XKRX: variants seen among roughly 807,000 people sequenced by gnomAD.
XKRX encodes the protein XK-related protein 2.
XKRX carries 11 observed loss-of-function variants against 22.4 expected under a neutral mutation model. The observed-to-expected ratio is 0.49, with a 90% CI of 0.31 to 0.81. The LOEUF is 0.81. Among genes scored for constraint, XKRX ranks in the 40% least tolerant of loss-of-function variants. The probability of loss-of-function intolerance (pLI) is 0.05; values close to 1 mark genes in which losing one functional copy is unlikely to be tolerated. For synonymous variants in XKRX, 114 were observed against 132.2 expected, an observed-to-expected ratio of 0.86 and a Z score of 0.94; for missense variants, 320 against 336.5, an observed-to-expected ratio of 0.95 and a Z score of 0.38.
At chrX:100,903,029 G>T in the XKRX span, among the ~76,000 whole-genome samples, 1 of 108,381 alleles carries the variant, frequency 9.2e-6, no homozygotes, top group Non-Finnish European at 1.9e-5. Context: ...GATTACAGTC[G>T]TGAGCCACCG....
the XKRX span, among the ~76,000 whole-genome samples, chrX:100,889,599 G>A: frequency 2.7e-5 from 3 of 110,624 alleles, no homozygotes; most frequent in Non-Finnish European, 5.7e-5. Flanking sequence ...TAAAGATGAA[G>A]GTAGAGATCA....
At chrX:100,938,486 G>A in the XKRX span, among the ~76,000 whole-genome samples, 1 of 110,826 alleles carries the variant, frequency 9.0e-6, no homozygotes, top group Non-Finnish European at 1.9e-5. Flanking sequence ...AAAATTAGCC[G>A]GGCGTGGTGG....
At chrX:100,909,821 T>G (rs2085400474), downstream of XKRX, among the ~76,000 whole-genome samples, 1 of 101,591 alleles carries the variant, frequency 9.8e-6, no homozygotes, top group Non-Finnish European at 2.0e-5. Flanking sequence ...GAGAATCACT[T>G]GAACCCACAA....
the XKRX span, among the ~76,000 whole-genome samples, chrX:100,897,690 C>CAA: frequency 1.2e-3 from 16 of 12,968 alleles, no homozygotes; most frequent in African/African-American, 2.6e-3. Context: ...AACTCAACAG[C>CAA]AAAAAAAAAA....
chrX:100,931,552 C>T (rs73631329), upstream of XKRX, among the ~76,000 whole-genome samples: 3,384 of 111,499 alleles, frequency 0.03, 119 homozygotes, highest in African/African-American at 0.1. Context: ...AGCCTTCTGT[C>T]ACCTCCCCAA....
chrX:100,921,824 CTTTTTTTTTT>C (rs769704465), intron 2 of XKRX, among the ~76,000 whole-genome samples: 4 of 56,360 alleles, frequency 7.1e-5, no homozygotes, highest in African/African-American at 3.7e-4. Context: ...TAACCCCACG[CTTTTTTTTTT>C]TTTTTTTTTT....
upstream of XKRX, chrX:100,928,937 G>T (rs1312280583): frequency 3.2e-6 from 2 of 616,333 alleles, no homozygotes; most frequent in Non-Finnish European, 3.9e-6. Flanking sequence ...GGGTTCTCAG[G>T]ATAGCTCCTC....
the XKRX span, among the ~76,000 whole-genome samples, chrX:100,898,776 A>T: frequency 2.7e-5 from 3 of 110,771 alleles, no homozygotes; most frequent in East Asian, 8.5e-4. Context: ...CTACCCCCCA[A>T]AAAAGAGCCA....
the XKRX span, among the ~76,000 whole-genome samples, chrX:100,902,067 C>A: frequency 1.9e-5 from 2 of 107,780 alleles, no homozygotes; most frequent in Non-Finnish European, 1.9e-5. Context: ...GAATAGAAAT[C>A]ATACAAAATG....
the XKRX span, among the ~76,000 whole-genome samples, chrX:100,947,561 G>T: frequency 8.9e-6 from 1 of 112,099 alleles, no homozygotes; most frequent in Non-Finnish European, 1.9e-5. Context: ...GGAAAAAATA[G>T]CAGGGAACCA....
At chrX:100,906,454 A>G in the XKRX span, among the ~76,000 whole-genome samples, 1 of 111,755 alleles carries the variant, frequency 8.9e-6, no homozygotes, top group African/African-American at 3.3e-5. Flanking sequence ...GTGGACAGAA[A>G]ACAATGTCAC....
the XKRX span, among the ~76,000 whole-genome samples, chrX:100,938,266 A>G: frequency 9.0e-6 from 1 of 111,242 alleles, no homozygotes; most frequent in Non-Finnish European, 1.9e-5. Flanking sequence ...AAATCAGGCC[A>G]TGCCAAATCT....
At chrX:100,895,028 C>G in the XKRX span, among the ~76,000 whole-genome samples, 47 of 111,689 alleles carry the variant, frequency 4.2e-4, no homozygotes, top group Non-Finnish European at 5.8e-4. Flanking sequence ...CTAACCACCC[C>G]CAGAGTGTGG....
chrX:100,954,578 G>C, the XKRX span, among the ~76,000 whole-genome samples: 11,669 of 111,285 alleles, frequency 0.1, 616 homozygotes, highest in Admixed American at 0.16. Context: ...ATAACAAAGA[G>C]AAATGAAAAT....
At chrX:100,921,897 G>C (rs916415287) in intron 2 of XKRX, among the ~76,000 whole-genome samples, 1 of 93,217 alleles carries the variant, frequency 1.1e-5, no homozygotes, top group South Asian at 5.9e-4. Flanking sequence ...GCAGTGACGC[G>C]ATCTCGGCTC....
At chrX:100,916,158 G>T (rs2147938167) in intron 2 of XKRX, among the ~76,000 whole-genome samples, 1 of 110,072 alleles carries the variant, frequency 9.1e-6, no homozygotes, top group South Asian at 4.0e-4. Context: ...TAATTAGTTT[G>T]GTTGTGGTAA....
rs1387157771 is a variant in XKRX at position 100,914,330 on chromosome X, A to T, written c.*8T>A. 1 of 1,201,403 alleles carries T rather than the reference A, an allele frequency of 8.3e-7. No homozygotes were observed. The highest frequency in any genetic ancestry group is 1.1e-6 in the Non-Finnish European group (1 of 890,122). ...CCCAACTCTTCCTAAAATACCCAGA[A>T]AATAGAATCAGACAACACTTTGCCT... On this transcript the variant is annotated 3_prime_UTR_variant, in exon 3 of 3. Coordinates refer to ENST00000372956, the MANE Select transcript of XKRX (RefSeq NM_212559.3).
the XKRX span, among the ~76,000 whole-genome samples, chrX:100,905,288 G>A: frequency 9.0e-6 from 1 of 111,420 alleles, no homozygotes; most frequent in African/African-American, 3.3e-5. Context: ...GATGGCCCTT[G>A]GTATCTCATA....
chrX:100,922,084 T>C (rs935087394), intron 2 of XKRX, among the ~76,000 whole-genome samples: 1 of 110,207 alleles, frequency 9.1e-6, no homozygotes. Context: ...CCACCCGCCT[T>C]GGCCTCCCAA....
Sources: gnomAD v4.1 joint callset for allele counts (sites outside exome capture counted in the v4.1 genomes callset) on GRCh38, gnomAD v4.1.1 for gene constraint, MANE v1.5 for transcripts, NCBI Gene and HGNC (gene_info 2026-07-23, HGNC 2026-07-21) for gene names.